The following BIRC6 variants were observed in gnomAD, a reference collection of about 807,000 sequenced individuals.
The protein encoded by BIRC6 is baculoviral IAP repeat containing 6.
A neutral mutation model predicts 503.3 loss-of-function variants in BIRC6; 98 were observed. The observed-to-expected ratio is 0.19, with a 90% CI of 0.17 to 0.23. BIRC6 has a LOEUF of 0.23. Among genes scored for constraint, BIRC6 ranks in the 10% least tolerant of loss-of-function variants. BIRC6 has a pLI of 1.00. For synonymous variants in BIRC6, 2,240 were observed against 2,078.7 expected, an observed-to-expected ratio of 1.08 and a Z score of -2.11; for missense variants, 5,360 against 5,806.0, an observed-to-expected ratio of 0.92 and a Z score of 2.50.
chr2:32,458,010 A>G (rs545056661), intron 23 of BIRC6, among the ~76,000 whole-genome samples: 2 of 152,290 alleles, frequency 1.3e-5, no homozygotes, highest in African/African-American at 4.8e-5. Context: ...TTGCAGTGTC[A>G]TCTGATTTTC....
chr2:32,453,871 T>C lies in BIRC6; in HGVS notation c.4682T>C (p.Leu1561Ser). ...AGTTTCACATCTCTCACTGGACTTTTGGAAGTTGAACCTCTGCACTTTACT... is the reference window on the plus strand; with the variant it reads ...AGTTTCACATCTCTCACTGGACTTTCGGAAGTTGAACCTCTGCACTTTACT... Reference protein sequence around the residue: ...EGSFTSLTGLLEVEPLHFTCV... With the variant: ...EGSFTSLTGLSEVEPLHFTCV... Residue 1561 changes from leucine (L) to serine (S), a missense_variant, in exon 23 of 74, where the codon TTG (leucine) becomes TCG (serine). Physicochemically the swap from Leu to Ser is moderately radical, Grantham distance 145. Around this residue, in one of 16 missense-constraint regions of BIRC6, gnomAD observed 2,299 missense variants for 2,267.2 expected, o/e 1.01. Coordinates refer to ENST00000421745, the MANE Select transcript of BIRC6 (RefSeq NM_016252.4). 1 of 1,613,734 alleles carries C rather than the reference T, an allele frequency of 6.2e-7. No homozygotes were observed. The highest frequency in any genetic ancestry group is 8.5e-7 in the Non-Finnish European group (1 of 1,179,678).
intron 21 of BIRC6, among the ~76,000 whole-genome samples, chr2:32,447,538 C>T (rs1574275750): frequency 8.0e-6 from 1 of 124,850 alleles, no homozygotes; most frequent in East Asian, 2.5e-4. Flanking sequence ...GTCCTCACTT[C>T]CCAGTAGGGG....
At position 32,443,580 on chromosome 2, in the gene BIRC6, C is replaced by T. The variant is rs1486569816; in HGVS notation, c.4328C>T (p.Thr1443Ile). The T allele has an allele frequency of 6.3e-7, 1 of 1,596,740 alleles. No individual in the cohort carries two copies. The highest frequency in any genetic ancestry group is 2.2e-5 in the East Asian group (1 of 44,578). ...LDNMSFLPAA[T>I]TGGSVYWYFV... ...AATATGTCATTTTTACCTGCAGCAA[C>T]AACTGGTGGTATGTAAAATTAATTT... Residue 1443 changes from threonine (T) to isoleucine (I), a missense_variant, in exon 20 of 74, where the codon ACA becomes ATA. Thr to Ile is a moderately conservative substitution (Grantham distance 89, BLOSUM62 -1). This residue lies in a region of BIRC6 where 2,299 missense variants were observed against 2,267.2 expected (regional missense o/e 1.01). Transcript: ENST00000421745.
In BIRC6 at chr2:32,575,253, C is replaced by T; in HGVS notation, c.13242C>T (p.Pro4414=). The change falls in exon 66 of 74, where the codon CCC becomes CCT. Residue 4414 remains proline, a synonymous_variant. Coordinates refer to ENST00000421745, the MANE Select transcript of BIRC6 (RefSeq NM_016252.4). ...SCAAMVPLLL[P]LSTENGEEEE... is the part of the protein sequence containing the mutation. ...CTGCCATGGTGCCCCTATTGTTGCC[C>T]CTTTCTACAGAGAACGGTGAAGAGG... The T allele has an allele frequency of 2.5e-6, 4 of 1,613,924 alleles. No individual in the cohort carries two copies. Among genetic ancestry groups the T allele is most frequent in the Non-Finnish European group, 3.4e-6 (4 of 1,179,876 alleles).
Position 32,545,636 on chromosome 2 carries a change from A to G in BIRC6, c.12593-7A>G, listed in dbSNP as rs755562988. 6.2e-7 allele frequency: 1 copy of G among 1,606,294 alleles called. No individual in the cohort carries two copies. The highest frequency in any genetic ancestry group is 1.3e-5 in the African/African-American group (1 of 74,714). On this transcript the variant is annotated splice_polypyrimidine_tract_variant and splice_region_variant and intron_variant, in intron 62 of 73. Transcript: ENST00000421745. The stretch of plus-strand genomic sequence containing the variant: ...TAATCTTGAGTCCTCTTCTTTCTTC[A>G]ATCTAGGTCATATTCTTCAATCTCC...
chr2:32,385,278 A>C (rs574774404), intron 3 of BIRC6, among the ~76,000 whole-genome samples: 1 of 152,340 alleles, frequency 6.6e-6, no homozygotes, highest in South Asian at 2.1e-4. Context: ...TTGATGTAGA[A>C]CAAGGAGGAG....
At position 32,575,140 on chromosome 2, in the gene BIRC6, C is replaced by T. The variant is rs1559085391; in HGVS notation, c.13145-16C>T. The T allele has an allele frequency of 6.2e-7, 1 of 1,612,906 alleles. No homozygotes were observed. Among genetic ancestry groups the T allele is most frequent in the East Asian group, 2.2e-5 (1 of 44,864 alleles). ...TACATTTGCTCATTTTGTGCTTTTT[C>T]TTCTTCTCCTTATAGTTCTGGACAT... On this transcript the variant is annotated splice_polypyrimidine_tract_variant and intron_variant, in intron 65 of 73. Transcript: ENST00000421745.
chr2:32,496,482 C>T (rs893701500), intron 45 of BIRC6, among the ~76,000 whole-genome samples: 1 of 152,150 alleles, frequency 6.6e-6, no homozygotes. Flanking sequence ...CCTCCATTTC[C>T]CAAATTGCTG....
At chr2:32,434,030 C>G (rs956843896) in intron 13 of BIRC6, among the ~76,000 whole-genome samples, 1 of 152,056 alleles carries the variant, frequency 6.6e-6, no homozygotes, top group Non-Finnish European at 1.5e-5. Flanking sequence ...TATAATTATA[C>G]TTTTTTGGAA....
At chr2:32,416,691 T>C (rs1353360708) in intron 10 of BIRC6, among the ~76,000 whole-genome samples, 2 of 152,120 alleles carry the variant, frequency 1.3e-5, no homozygotes, top group Non-Finnish European at 2.9e-5. Flanking sequence ...TAGTAGTGAA[T>C]TAGTTTTGCA....
chr2:32,497,752 G>T (rs1449955113), intron 45 of BIRC6, among the ~76,000 whole-genome samples: 3 of 151,972 alleles, frequency 2.0e-5, no homozygotes, highest in Non-Finnish European at 4.4e-5. Flanking sequence ...TCAAAAAAAG[G>T]CAGCTTATAG....
At chr2:32,543,976 T>A (rs2057866821) in intron 62 of BIRC6, among the ~76,000 whole-genome samples, 1 of 152,178 alleles carries the variant, frequency 6.6e-6, no homozygotes, top group South Asian at 2.1e-4. Context: ...GTGAATGAAG[T>A]GGCATGGTAG....
Position 32,518,845 on chromosome 2 carries a change from G to A in BIRC6, c.11522G>A (p.Ser3841Asn). The A allele has an allele frequency of 6.2e-7, 1 of 1,613,332 alleles. No individual in the cohort carries two copies. Among genetic ancestry groups the A allele is most frequent in the Non-Finnish European group, 8.5e-7 (1 of 1,179,476 alleles). The change falls in exon 57 of 74, where the codon AGC (serine) becomes AAC (asparagine). Residue 3841 changes from serine (S) to asparagine (N), a missense_variant. Around this residue, in one of 16 missense-constraint regions of BIRC6, gnomAD observed 878 missense variants for 928.9 expected, o/e 0.95. Transcript: ENST00000421745. ...TACAAAGGTAGAATTAATGCTACTA[G>A]CCACGTCATCCAGCATCCAATGTAT... ...PLYKGRINAT[S>N]HVIQHPMYGA...
chr2:32,614,577 C>T (rs1443492201), intron 73 of BIRC6, among the ~76,000 whole-genome samples: 3 of 152,178 alleles, frequency 2.0e-5, no homozygotes, highest in Non-Finnish European at 4.4e-5. Context: ...CCTATAATCC[C>T]AACACTTTGG....
intron 64 of BIRC6, 38 bp from the exon 65 acceptor site, chr2:32,549,275 G>A: frequency 7.3e-7 from 1 of 1,371,698 alleles, no homozygotes; most frequent in Non-Finnish European, 9.6e-7. Context: ...TTTGAAGTAT[G>A]TGAAACTGAA....
chr2:32,578,331 C>G (rs2060404966), intron 66 of BIRC6, among the ~76,000 whole-genome samples: 1 of 152,088 alleles, frequency 6.6e-6, no homozygotes, highest in Non-Finnish European at 1.5e-5. Context: ...AATTTTAACA[C>G]TGACTCAAAG....
chr2:32,461,072 C>G lies in BIRC6; in HGVS notation c.4754-2122C>G, dbSNP rs150799671. ...CTTCTCTTCTCTTCTCTTCTGTTCTCCTCTCCTCTCCTCTCCTCTCCTCTC... is the reference window on the plus strand; with the variant it reads ...CTTCTCTTCTCTTCTCTTCTGTTCTGCTCTCCTCTCCTCTCCTCTCCTCTC... On this transcript the variant is annotated intron_variant, in intron 23 of 73. Transcript: ENST00000421745. Among the ~76,000 whole-genome samples the G allele has an allele frequency of 7.6e-3, 54 of 7,132 alleles. 1 individual carries two copies. Among genetic ancestry groups the G allele is most frequent in the African/African-American group, 0.015 (47 of 3,226 alleles). The allele number at this position is 7,132 out of a possible 152,430, so 4.7% of individuals were successfully genotyped here.
At chr2:32,611,609 T>G (rs1032144047) in intron 73 of BIRC6, 27 bp downstream of exon 73, 6 of 1,522,748 alleles carry the variant, frequency 3.9e-6, no homozygotes, top group Non-Finnish European at 5.3e-6. Context: ...AACAGGAGCC[T>G]TGTTGCTTTA....
At chr2:32,544,965 A>AT (rs1189114557) in intron 62 of BIRC6, among the ~76,000 whole-genome samples, 1 of 152,082 alleles carries the variant, frequency 6.6e-6, no homozygotes, top group Admixed American at 6.5e-5. Flanking sequence ...ATATTTTGAT[A>AT]AAGACATAGA....
Sources: allele counts gnomAD v4.1 joint callset (sites outside exome capture counted in the v4.1 genomes callset), GRCh38; gene constraint gnomAD v4.1.1; regional missense constraint gnomAD v4.1.1; transcripts MANE v1.5; gene names NCBI Gene and HGNC (gene_info 2026-07-23, HGNC 2026-07-21).